Variants in SORBS2 observed in about 807,000 individuals in gnomAD.
The protein encoded by SORBS2 is sorbin and SH3 domain-containing protein 2.
SORBS2 carries 46 observed loss-of-function variants against 97.7 expected under a neutral mutation model. That is an observed-to-expected ratio of 0.47 (90% CI 0.37 to 0.60). The LOEUF (loss-of-function observed/expected upper bound fraction) is 0.60, where lower values mean the gene tolerates loss of function less well. SORBS2 is among the 20% of genes least tolerant of loss of function. The pLI is 0.00. For missense variants in SORBS2, 1,316 were observed against 1,282.3 expected (o/e 1.03, Z -0.40); for synonymous variants, 476 against 473.4 (o/e 1.01, Z -0.07).
chr4:185,736,519 G>A (rs1413271221), intron 2 of SORBS2, among the ~76,000 whole-genome samples: 3 of 152,164 alleles, frequency 2.0e-5, no homozygotes, highest in African/African-American at 4.8e-5. Context: ...GGCGGTGTTC[G>A]TTTCTGTTTG....
chr4:185,805,012 A>G (rs1329746491), intron 1 of SORBS2, among the ~76,000 whole-genome samples: 1 of 151,782 alleles, frequency 6.6e-6, no homozygotes, highest in Non-Finnish European at 1.5e-5. Context: ...ATTCTTTTTT[A>G]TTTTACAAAA....
At chr4:185,690,481 G>A in intron 2 of SORBS2, 81 bp downstream of exon 4, 2 of 749,334 alleles carry the variant, frequency 2.7e-6, no homozygotes, top group Non-Finnish European at 4.3e-6. Flanking sequence ...AGGATCAGAA[G>A]AGTGCTAAAC....
At chr4:185,861,848 C>T (rs1268883887) in intron 1 of SORBS2, among the ~76,000 whole-genome samples, 1 of 152,160 alleles carries the variant, frequency 6.6e-6, no homozygotes, top group East Asian at 1.9e-4. Flanking sequence ...CCACTTGCCT[C>T]AGTCTCCCAA....
chr4:185,924,028 T>C (rs2099262304), intron 1 of SORBS2, among the ~76,000 whole-genome samples: 1 of 152,222 alleles, frequency 6.6e-6, no homozygotes, highest in Non-Finnish European at 1.5e-5. Context: ...TCTGTTTTGC[T>C]CTTTATCTCC....
At chr4:185,890,119 T>A (rs2099241708) in intron 1 of SORBS2, among the ~76,000 whole-genome samples, 1 of 152,214 alleles carries the variant, frequency 6.6e-6, no homozygotes, top group Admixed American at 6.5e-5. Flanking sequence ...ACTCCTGACC[T>A]CAAGTGATCC....
chr4:185,616,242 C>A (rs11946496), intron 9 of SORBS2, among the ~76,000 whole-genome samples: 11 of 152,024 alleles, frequency 7.2e-5, no homozygotes, highest in African/African-American at 2.7e-4. Flanking sequence ...GAGATTTATA[C>A]CTGATGGAGA....
chr4:185,894,290 G>A (rs1182877237), intron 1 of SORBS2: 1 of 152,048 alleles, frequency 6.6e-6, no homozygotes, highest in African/African-American at 2.4e-5. Context: ...GTGGGCGTGA[G>A]ACTCACCAGG....
intron 4 of SORBS2, among the ~76,000 whole-genome samples, chr4:185,673,734 C>T (rs1047596781): frequency 6.6e-6 from 1 of 152,192 alleles, no homozygotes; most frequent in East Asian, 1.9e-4. Context: ...GATCTTGAAA[C>T]AGCTGACTGC....
At chr4:185,612,826 C>T (rs2096562760) in intron 11 of SORBS2, among the ~76,000 whole-genome samples, 1 of 152,106 alleles carries the variant, frequency 6.6e-6, no homozygotes, top group African/African-American at 2.4e-5. Flanking sequence ...TAAGTAGTGA[C>T]AGAGTGAACT....
At chr4:185,646,985 AGT>A (rs3830291) in intron 3 of SORBS2, among the ~76,000 whole-genome samples, 5,765 of 152,204 alleles carry the variant, frequency 0.038, 281 homozygotes, top group East Asian at 0.19. Flanking sequence ...ACGCGCAGAG[AGT>A]GAGTCCCTGG....
chr4:185,801,143 CTCTG>C (rs532332526), intron 1 of SORBS2, among the ~76,000 whole-genome samples: 75 of 152,314 alleles, frequency 4.9e-4, no homozygotes, highest in African/African-American at 1.6e-3. Flanking sequence ...ATTTGTCTTT[CTCTG>C]TCTGACTTGT....
At chr4:185,826,016 A>G (rs547178062) in intron 1 of SORBS2, among the ~76,000 whole-genome samples, 8 of 152,312 alleles carry the variant, frequency 5.3e-5, no homozygotes, top group African/African-American at 1.7e-4. Context: ...GCCTGAAAGC[A>G]TTTAAAGTCC....
intron 2 of SORBS2, among the ~76,000 whole-genome samples, chr4:185,650,147 A>C (rs1362283269): frequency 6.6e-6 from 1 of 152,248 alleles, no homozygotes; most frequent in Non-Finnish European, 1.5e-5. Context: ...GTGCTGTGCA[A>C]GGTACAAGGA....
chr4:185,802,440 AGTTGGG>A (rs1295214428), intron 1 of SORBS2, among the ~76,000 whole-genome samples: 2 of 152,248 alleles, frequency 1.3e-5, no homozygotes, highest in Admixed American at 1.3e-4. Flanking sequence ...CGACATCCAC[AGTTGGG>A]TCTGACCACT....
chr4:185,844,144 T>C (rs754624663), intron 1 of SORBS2, among the ~76,000 whole-genome samples: 1 of 152,322 alleles, frequency 6.6e-6, no homozygotes, highest in South Asian at 2.1e-4. Context: ...AAACAAAGAC[T>C]GGAACCATAT....
intron 2 of SORBS2, among the ~76,000 whole-genome samples, chr4:185,738,077 C>T (rs572655537): frequency 6.6e-6 from 1 of 152,370 alleles, no homozygotes; most frequent in African/African-American, 2.4e-5. Flanking sequence ...CTGTCCACGC[C>T]TTCCTCAACA....
At chr4:185,766,555 C>T (rs2098935255) in intron 2 of SORBS2, among the ~76,000 whole-genome samples, 1 of 152,132 alleles carries the variant, frequency 6.6e-6, no homozygotes, top group Admixed American at 6.5e-5. Flanking sequence ...CCATCTGTAA[C>T]TTTTCAACAT....
At chr4:185,865,908 A>G (rs1385778557) in intron 1 of SORBS2, among the ~76,000 whole-genome samples, 1 of 152,178 alleles carries the variant, frequency 6.6e-6, no homozygotes, top group Non-Finnish European at 1.5e-5. Flanking sequence ...ATGATAAAAC[A>G]GGGTTGGCTC....
intron 1 of SORBS2, among the ~76,000 whole-genome samples, chr4:185,829,499 T>C (rs749950264): frequency 6.6e-6 from 1 of 152,042 alleles, no homozygotes. Context: ...CAATAGAAAG[T>C]AGAAAAGAGA....
Sources: gnomAD v4.1 joint callset for allele counts (sites outside exome capture counted in the v4.1 genomes callset) on GRCh38, gnomAD v4.1.1 for gene constraint, MANE v1.5 for transcripts, NCBI Gene and HGNC (gene_info 2026-07-23, HGNC 2026-07-21) for gene names.